Variants in TREX1 observed in about 807,000 individuals in gnomAD.
TREX1 encodes the protein three-prime repair exonuclease 1.
In TREX1, 11 loss-of-function variants were observed where a neutral mutation model predicts 13.7. The observed-to-expected ratio is 0.80, with a 90% CI of 0.51 to 1.33. The LOEUF (loss-of-function observed/expected upper bound fraction) is 1.33. TREX1 is among the 40% of genes most tolerant of loss of function. The probability of loss-of-function intolerance (pLI) is 0.00; values close to 1 mark genes in which losing one functional copy is unlikely to be tolerated. For missense variants in TREX1, 409 were observed against 404.4 expected, an observed-to-expected ratio of 1.01 and a Z score of -0.10; for synonymous variants, 178 against 178.8, an observed-to-expected ratio of 1.00 and a Z score of 0.03.
Position 48,466,494 on chromosome 3 carries a change from G to A in TREX1, c.-26-136G>A, listed in dbSNP as rs372665199. 3 of 1,613,870 alleles carry A rather than the reference G, an allele frequency of 1.9e-6. No individual in the cohort carries two copies. In the African/African-American group the frequency reaches 4.0e-5, roughly 22 times the overall value. On this transcript the variant is annotated intron_variant, in intron 1 of 1. Transcript: ENST00000625293. ...CTCTCCAACTTCCTGCCTGAAAATG[G>A]GCCCTGGAGCTCGCAGACAGGGCAG...
In TREX1 at chr3:48,466,285, A is replaced by ACTGCCTGC. The variant is rs371036312; in HGVS notation, c.-38_-31dup. The ACTGCCTGC allele has an allele frequency of 6.0e-6, 4 of 668,030 alleles. No homozygotes were observed. The highest frequency in any genetic ancestry group is 3.5e-5 in the South Asian group (2 of 56,992). 41.4% of individuals were successfully genotyped at this position (668,030 alleles called of 1,614,324 possible). ...CGGGAGAGTGTGCAGCCGAGTCACT[A>ACTGCCTGC]CTGCCTGCCTGCCTGCCTGCTACGG... is the stretch of plus-strand genomic sequence containing the variant. On this transcript the variant is annotated 5_prime_UTR_variant, in exon 1 of 2. Coordinates refer to ENST00000625293, the MANE Select transcript of TREX1 (RefSeq NM_033629.6).
chr3:48,466,404 A>C, intron 1 of TREX1, 95 bp downstream of exon 1: 7 of 1,587,798 alleles, frequency 4.4e-6, no homozygotes, highest in Non-Finnish European at 6.0e-6. Flanking sequence ...GGGCCGAGTC[A>C]TGTGAAGAGG....
intron 1 of TREX1, 44 bp from the exon 2 acceptor site, chr3:48,466,586 C>G (rs1186671505): frequency 1.2e-6 from 2 of 1,613,910 alleles, no homozygotes; most frequent in South Asian, 1.1e-5. Flanking sequence ...CCCTTCGGAT[C>G]TTAACACTGG....
rs1339672950 is a variant in TREX1 at position 48,466,299 on chromosome 3, T to G, written c.-37T>G. On this transcript the variant is annotated 5_prime_UTR_variant, in exon 1 of 2. Coordinates refer to ENST00000625293, the MANE Select transcript of TREX1 (RefSeq NM_033629.6). Reference sequence around the variant, plus strand: ...GCCGAGTCACTACTGCCTGCCTGCCTGCCTGCTACGGTGAGTGTGGCCCCC... The same window carrying G: ...GCCGAGTCACTACTGCCTGCCTGCCGGCCTGCTACGGTGAGTGTGGCCCCC... 2.8e-6 allele frequency: 2 copies of G among 713,400 alleles called. No homozygotes were observed. The highest frequency in any genetic ancestry group is 4.9e-6 in the Non-Finnish European group (2 of 409,318). The allele number at this position is 713,400 out of a possible 1,614,324, so 44.2% of individuals were successfully genotyped here.
chr3:48,466,209 G>C (rs577465983), upstream of TREX1: 1,349 of 563,800 alleles, frequency 2.4e-3, 5 homozygotes, highest in Non-Finnish European at 3.1e-3. Context: ...TGGGCCTGTA[G>C]GCGGGCCCAC....
Position 48,467,345 on chromosome 3 carries a change from G to GC in TREX1, c.693dup (p.Met232HisfsTer9). 6 of 1,614,144 alleles carry GC rather than the reference G, an allele frequency of 3.7e-6. No individual in the cohort carries two copies. The highest frequency in any genetic ancestry group is 5.1e-6 in the Non-Finnish European group (6 of 1,180,018). The stretch of plus-strand genomic sequence containing the variant: ...ACGCCAGGCCTTTCGGCACCATCAG[G>GC]CCCATGTATGGGGTCACAGCCTCTG... On this transcript the variant is annotated frameshift_variant, in exon 2 of 2. Transcript: ENST00000625293. LOFTEE classifies it high-confidence loss of function.
rs979808671 is a variant in TREX1, at chr3:48,467,470, A to C, written c.815A>C (p.Asp272Ala). ...CTTGGAGAGAGCAGGGGTACCAAGG[A>C]TCTTCCTCCAGTGAAGGACCCTGGA... ...PSLGESRGTK[D>A]LPPVKDPGAL... Residue 272 changes from aspartate to alanine, a missense_variant, in exon 2 of 2, where the codon GAT (aspartate) becomes GCT (alanine). Coordinates refer to ENST00000625293, the MANE Select transcript of TREX1 (RefSeq NM_033629.6). The C allele has an allele frequency of 6.2e-7, 1 of 1,614,124 alleles. No homozygotes were observed. The highest frequency in any genetic ancestry group is 8.5e-7 in the Non-Finnish European group (1 of 1,180,018).
rs373876183 is a variant in TREX1 at position 48,467,129 on chromosome 3, G to A, written c.474G>A (p.Ala158=). 1.1e-5 allele frequency: 18 copies of A among 1,613,952 alleles called. No individual in the cohort carries two copies. Among genetic ancestry groups the A allele is most frequent in the Admixed American group, 5.0e-5 (3 of 60,026 alleles). ...CCTTCTGTGTGGATAGCATCACTGC[G>A]CTGAAGGCCCTGGAGCGAGCAAGCA... is the stretch of plus-strand genomic sequence containing the variant. ...DGAFCVDSIT[A]LKALERASSP... is the part of the protein sequence containing the mutation. Residue 158 remains alanine, a synonymous_variant, in exon 2 of 2, where the codon GCG becomes GCA. Transcript: ENST00000625293.
chr3:48,466,942 G>C lies in TREX1; in HGVS notation c.287G>C (p.Gly96Ala), dbSNP rs538366736. Residue 96 changes from glycine (G) to alanine (A), a missense_variant, in exon 2 of 2, where the codon GGG becomes GCG. Transcript: ENST00000625293. ...GLSTAVLAAH[G>A]RQCFDDNLAN... ...AGCACAGCTGTGCTGGCAGCGCATGGGCGTCAATGTTTTGATGACAACCTG... is the reference window on the plus strand; with the variant it reads ...AGCACAGCTGTGCTGGCAGCGCATGCGCGTCAATGTTTTGATGACAACCTG... 5.6e-6 allele frequency: 9 copies of C among 1,611,680 alleles called. No individual in the cohort carries two copies. The East Asian group carries it at 8.9e-5, about 16-fold the overall frequency.
chr3:48,467,378 C>T lies in TREX1; in HGVS notation c.723C>T (p.Thr241=). ...ATGGGGTCACAGCCTCTGCTAGGAC[C>T]AAGCCAAGACCATCTGCTGTCACAA... is the stretch of plus-strand genomic sequence containing the variant. ...PMYGVTASAR[T]KPRPSAVTTT... The change falls in exon 2 of 2, where the codon ACC becomes ACT. Residue 241 remains threonine, a synonymous_variant. Coordinates refer to ENST00000625293, the MANE Select transcript of TREX1 (RefSeq NM_033629.6). 1.2e-6 allele frequency: 2 copies of T among 1,614,174 alleles called. No homozygotes were observed. The highest frequency in any genetic ancestry group is 1.7e-6 in the Non-Finnish European group (2 of 1,180,028).
In TREX1 at chr3:48,467,638, G is replaced by A. The variant is rs765426987; in HGVS notation, c.*38G>A. 25 of 1,594,076 alleles carry A rather than the reference G, an allele frequency of 1.6e-5. No homozygotes were observed. The African/African-American group carries it at 3.1e-4, about 20-fold the overall frequency. On this transcript the variant is annotated 3_prime_UTR_variant, in exon 2 of 2. Transcript: ENST00000625293. ...AATCTGACGAATAAAGACCCCCGCT[G>A]CCCCATAGCACTGAGTGGTCAATTG...
At position 48,467,135 on chromosome 3, in the gene TREX1, G is replaced by T; in HGVS notation, c.480G>T (p.Lys160Asn). 6.2e-7 allele frequency: 1 copy of T among 1,614,036 alleles called. No homozygotes were observed. The highest frequency in any genetic ancestry group is 8.5e-7 in the Non-Finnish European group (1 of 1,180,040). The change falls in exon 2 of 2, where the codon AAG (lysine) becomes AAT (asparagine). Residue 160 changes from lysine to asparagine, a missense_variant. By Grantham distance (94) the Lys-to-Asn change is moderately conservative. Coordinates refer to ENST00000625293, the MANE Select transcript of TREX1 (RefSeq NM_033629.6). ...GTGTGGATAGCATCACTGCGCTGAA[G>T]GCCCTGGAGCGAGCAAGCAGCCCCT... Reference protein sequence around the residue: ...AFCVDSITALKALERASSPSE... With the variant: ...AFCVDSITALNALERASSPSE...
intron 1 of TREX1, 86 bp from the exon 2 acceptor site, chr3:48,466,544 G>A (rs1388292235): frequency 1.2e-6 from 2 of 1,613,816 alleles, no homozygotes; most frequent in Non-Finnish European, 1.7e-6. Context: ...GGCCTGAGAT[G>A]TGCTTCTGCC....
At chr3:48,466,596 G>T (rs1560111105) in intron 1 of TREX1, 34 bp from the exon 2 acceptor site, 1 of 1,613,824 alleles carries the variant, frequency 6.2e-7, no homozygotes, top group Non-Finnish European at 8.5e-7. Context: ...CTTAACACTG[G>T]GCACTCACAC....
rs749323787 is a variant in TREX1 at position 48,466,629 on chromosome 3, G to A, written c.-26-1G>A. 59 of 1,613,782 alleles carry A rather than the reference G, an allele frequency of 3.7e-5. No homozygotes were observed. The highest frequency in any genetic ancestry group is 3.6e-4 in the East Asian group (16 of 44,844). On this transcript the variant is annotated splice_acceptor_variant, in intron 1 of 1. Transcript: ENST00000625293. LOFTEE classifies it low-confidence loss of function (5UTR_SPLICE). Reference sequence around the variant, plus strand: ...CACACCCACCCCATGCTCCTCTCCAGGCTCAGCAGCAGGTACGTACCCAAC... The same window carrying A: ...CACACCCACCCCATGCTCCTCTCCAAGCTCAGCAGCAGGTACGTACCCAAC...
rs2107255846 is a variant in TREX1 at position 48,466,787 on chromosome 3, G to C, written c.132G>C (p.Leu44=). 1 of 1,613,962 alleles carries C rather than the reference G, an allele frequency of 6.2e-7. No homozygotes were observed. Among genetic ancestry groups the C allele is most frequent in the Non-Finnish European group, 8.5e-7 (1 of 1,180,036 alleles). The change falls in exon 2 of 2, where the codon CTG becomes CTC. Residue 44 remains leucine, a synonymous_variant. Coordinates refer to ENST00000625293, the MANE Select transcript of TREX1 (RefSeq NM_033629.6). ...LCLLAVHRCA[L]ESPPTSQGPP... ...TGCTGGCTGTCCACAGATGTGCCCT[G>C]GAGAGCCCCCCCACCTCTCAGGGGC...
chr3:48,466,591 C>T, intron 1 of TREX1, 39 bp from the exon 2 acceptor site: 1 of 1,612,184 alleles, frequency 6.2e-7, no homozygotes, highest in African/African-American at 1.3e-5. Context: ...CGGATCTTAA[C>T]ACTGGGCACT....
Position 48,466,678 on chromosome 3 carries a change from C to T in TREX1, c.23C>T (p.Pro8Leu), listed in dbSNP as rs561454996. 8.7e-6 allele frequency: 14 copies of T among 1,614,044 alleles called. No homozygotes were observed. The highest frequency in any genetic ancestry group is 3.3e-5 in the South Asian group (3 of 91,070). The part of the protein sequence containing the change: MGSQALP[P>L]GPMQTLIFFD... ...ACCATGGGCTCGCAGGCCCTGCCCC[C>T]GGGGCCCATGCAGACCCTCATCTTT... Residue 8 changes from proline (P) to leucine (L), a missense_variant, in exon 2 of 2, where the codon CCG (proline) becomes CTG (leucine). Pro to Leu is a moderately conservative substitution (Grantham distance 98). Transcript: ENST00000625293.
At chr3:48,466,525 T>C (rs1048272049) in intron 1 of TREX1, 105 bp from the exon 2 acceptor site, 9 of 1,613,814 alleles carry the variant, frequency 5.6e-6, no homozygotes, top group Non-Finnish European at 6.8e-6. Flanking sequence ...GGCAGGATTG[T>C]GCAGGGAAGG....
Sources: allele counts gnomAD v4.1 joint callset, GRCh38; gene constraint gnomAD v4.1.1; transcripts MANE v1.5; gene names NCBI Gene and HGNC (gene_info 2026-07-23, HGNC 2026-07-21).